CCDC57: variants seen among roughly 807,000 people sequenced by gnomAD.
CCDC57 encodes the protein coiled-coil domain containing 57.
In CCDC57, 118 loss-of-function variants were observed where a neutral mutation model predicts 118.9. The observed-to-expected ratio is 0.99, with a 90% CI of 0.86 to 1.16. CCDC57 has a LOEUF of 1.16. Ranked by LOEUF, CCDC57 falls within the 50% of genes most tolerant of loss-of-function variation. CCDC57 has a pLI of 0.00. For missense variants in CCDC57, 1,300 were observed against 1,320.7 expected (o/e 0.98, Z 0.24); for synonymous variants, 527 against 532.9 (o/e 0.99, Z 0.15).
intron 19 of CCDC57, chr17:82,127,408 G>T (rs2037631194): frequency 2.0e-6 from 2 of 984,328 alleles, no homozygotes; most frequent in African/African-American, 1.8e-5. Context: ...GTCAGCCTGC[G>T]CCCGGGTGTA....
intron 17 of CCDC57, among the ~76,000 whole-genome samples, chr17:82,129,281 C>G (rs375208911): frequency 6.6e-6 from 1 of 152,288 alleles, no homozygotes. Context: ...TGTCTCCCCC[C>G]TTCTGGAGGG....
At chr17:82,209,141 TGAAATAAGA>T (rs2049997822) in intron 1 of CCDC57, among the ~76,000 whole-genome samples, 1 of 152,046 alleles carries the variant, frequency 6.6e-6, no homozygotes, top group African/African-American at 2.4e-5. Flanking sequence ...TTTCTAAAAC[TGAAATAAGA>T]GAGATGGGCA....
chr17:82,107,197 G>A (rs1238892055), intron 19 of CCDC57, among the ~76,000 whole-genome samples: 2 of 152,218 alleles, frequency 1.3e-5, no homozygotes, highest in Non-Finnish European at 2.9e-5. Context: ...CTTCTCCCCT[G>A]GAGACCAGGC....
intron 2 of CCDC57, among the ~76,000 whole-genome samples, chr17:82,203,045 A>G (rs181197395): frequency 6.6e-6 from 1 of 152,332 alleles, no homozygotes; most frequent in Admixed American, 6.5e-5. Context: ...TGGAATTGTA[A>G]TCCCCAACGG....
intron 11 of CCDC57, chr17:82,175,551 C>T (rs1270866044): frequency 6.6e-6 from 1 of 152,238 alleles, no homozygotes; most frequent in African/African-American, 2.4e-5. Flanking sequence ...ATGCAACCAT[C>T]TGTCTCTTAC....
intron 9 of CCDC57, among the ~76,000 whole-genome samples, chr17:82,181,867 C>T (rs916864153): frequency 6.6e-6 from 1 of 152,210 alleles, no homozygotes; most frequent in East Asian, 1.9e-4. Context: ...CCTGTCATCC[C>T]AGCACTTTGG....
exon 15 of CCDC57, chr17:82,157,885 C>A: frequency 6.3e-7 from 1 of 1,574,986 alleles, no homozygotes; most frequent in African/African-American, 1.4e-5. Context: ...TCCAGGTGTA[C>A]CTGGTCCACC....
chr17:82,203,685 G>A (rs2049258230), intron 2 of CCDC57, among the ~76,000 whole-genome samples: 1 of 152,116 alleles, frequency 6.6e-6, no homozygotes, highest in African/African-American at 2.4e-5. Context: ...CCCTTTAGAG[G>A]TCCAAGTATG....
rs1211394438 is a variant in CCDC57, at chr17:82,193,951, GC to G, written c.776+30del. ...TCCTGGCCTGCGAGGCTGCCACAGAGCACGCCTCGGGAGATGAAGGACTCGC... is the reference window on the plus strand; with the variant it reads ...TCCTGGCCTGCGAGGCTGCCACAGAGACGCCTCGGGAGATGAAGGACTCGC... On this transcript the variant is annotated intron_variant, in intron 6 of 19. Transcript: ENST00000665763. 5 of 1,594,898 alleles carry G rather than the reference GC, an allele frequency of 3.1e-6. No individual in the cohort carries two copies. The Admixed American group carries it at 5.2e-5, about 17-fold the overall frequency.
At chr17:82,194,913 C>A (rs1186178229) in intron 5 of CCDC57, among the ~76,000 whole-genome samples, 1 of 152,254 alleles carries the variant, frequency 6.6e-6, no homozygotes, top group Non-Finnish European at 1.5e-5. Context: ...GACATGAGGA[C>A]CGGGCTGCGC....
intron 14 of CCDC57, 150 bp downstream of exon 13, chr17:82,163,050 C>T: frequency 5.2e-6 from 5 of 959,640 alleles, no homozygotes; most frequent in Non-Finnish European, 7.9e-6. Flanking sequence ...GACCTCCCCA[C>T]AGCCCCTTCC....
chr17:82,198,156 T>C (rs1448253449), intron 4 of CCDC57, among the ~76,000 whole-genome samples, 158 bp downstream of exon 3: 1 of 152,158 alleles, frequency 6.6e-6, no homozygotes, highest in Non-Finnish European at 1.5e-5. Context: ...CTGCAGACCA[T>C]CCCAGAGTGG....
At chr17:82,150,105 A>C (rs2041698684) in intron 16 of CCDC57, among the ~76,000 whole-genome samples, 1 of 64,966 alleles carries the variant, frequency 1.5e-5, no homozygotes, top group Non-Finnish European at 3.0e-5. Flanking sequence ...CCTGACCCAC[A>C]CCCAGAACCA....
At chr17:82,127,647 C>A in intron 19 of CCDC57, 45 bp downstream of exon 18, 1 of 1,546,996 alleles carries the variant, frequency 6.5e-7, no homozygotes, top group Non-Finnish European at 8.7e-7. Flanking sequence ...GTGGCCCTCG[C>A]CAGCTGCCAG....
At chr17:82,135,321 C>G (rs536380677) in intron 16 of CCDC57, 1 of 152,136 alleles carries the variant, frequency 6.6e-6, no homozygotes, top group Admixed American at 6.6e-5. Context: ...AGGCTGGTCT[C>G]GAATTCCCGA....
intron 11 of CCDC57, among the ~76,000 whole-genome samples, chr17:82,177,407 T>C (rs2045664458): frequency 6.6e-6 from 1 of 151,798 alleles, no homozygotes; most frequent in Non-Finnish European, 1.5e-5. Context: ...TAGCCAGGCG[T>C]GGTGATGCGC....
intron 19 of CCDC57, among the ~76,000 whole-genome samples, chr17:82,116,121 T>TTA: frequency 6.8e-6 from 1 of 148,110 alleles, no homozygotes; most frequent in Middle Eastern, 3.5e-3. Flanking sequence ...TTTTTTTTTT[T>TTA]AAAGTAAACA....
At chr17:82,183,997 AC>A in intron 8 of CCDC57, 65 bp from the exon 8 acceptor site, 8 of 1,265,770 alleles carry the variant, frequency 6.3e-6, no homozygotes, top group South Asian at 1.5e-5. Context: ...CTTACACAGC[AC>A]CCCCCAGCAA....
chr17:82,101,958 C>T (rs943898831), intron 19 of CCDC57, 92 bp from the exon 19 acceptor site: 32 of 1,272,474 alleles, frequency 2.5e-5, no homozygotes, highest in East Asian at 5.4e-5. Flanking sequence ...GCAGCACTTC[C>T]GTGTTCCCGG....
Sources: gnomAD v4.1 joint callset for allele counts (sites outside exome capture counted in the v4.1 genomes callset) on GRCh38, gnomAD v4.1.1 for gene constraint, MANE v1.5 for transcripts, NCBI Gene and HGNC (gene_info 2026-07-23, HGNC 2026-07-21) for gene names.